Variants in MLLT6 observed in about 807,000 individuals in gnomAD.
MLLT6 encodes the protein protein AF-17.
Under a neutral mutation model 103.0 loss-of-function variants are expected in MLLT6, and 22 were observed. That is an observed-to-expected ratio of 0.21 (90% CI 0.15 to 0.31). MLLT6 has a LOEUF of 0.31. Among genes scored for constraint, MLLT6 ranks in the 10% least tolerant of loss-of-function variants. The pLI is 1.00. For missense variants in MLLT6, 1,199 were observed against 1,441.7 expected (o/e 0.83, Z 2.73); for synonymous variants, 606 against 623.5 (o/e 0.97, Z 0.42).
At chr17:38,706,786 C>T (rs529461349) in intron 1 of MLLT6, 164 bp from the exon 2 acceptor site, 3 of 495,010 alleles carry the variant, frequency 6.1e-6, no homozygotes, top group East Asian at 3.3e-5. Flanking sequence ...TGGTGTTGGG[C>T]GGTTGGGCAG....
chr17:38,720,963 C>T lies in MLLT6; in HGVS notation c.2442+216C>T, dbSNP rs553161864. ...ATCAGTGAGCAAAACCGGCACAGCGCTGCTTCTTAAGATAGGCTACCCCAA... is the reference window on the plus strand; with the variant it reads ...ATCAGTGAGCAAAACCGGCACAGCGTTGCTTCTTAAGATAGGCTACCCCAA... On this transcript the variant is annotated intron_variant, in intron 16 of 19. Transcript: ENST00000621332. 8.4e-6 allele frequency: 5 copies of T among 596,368 alleles called. No individual in the cohort carries two copies. The East Asian group carries it at 1.4e-4, about 17-fold the overall frequency. 36.9% of individuals were successfully genotyped at this position (596,368 alleles called of 1,614,324 possible). A position where few individuals can be genotyped will look rare whatever the true frequency, so the allele number is the denominator to read the frequency against.
chr17:38,705,506 G>C lies in MLLT6; in HGVS notation c.-127G>C. ...GAAGGAGGAGGCAAAGAAAAGAAGC[G>C]GCGGCGGCGGAGGGAGAGGAGGAGG... On this transcript the variant is annotated 5_prime_UTR_variant, in exon 1 of 20. Transcript: ENST00000621332. 8.5e-6 allele frequency: 4 copies of C among 469,508 alleles called. No individual in the cohort carries two copies. The allele number at this position is 469,508 out of a possible 1,614,324, so 29.1% of individuals were successfully genotyped here.
At chr17:38,708,950 C>T (rs953110989) in intron 4 of MLLT6, 13 of 525,012 alleles carry the variant, frequency 2.5e-5, no homozygotes, top group Non-Finnish European at 3.7e-5. Flanking sequence ...AATCTAGTTC[C>T]TCAGTCACGC....
At chr17:38,719,971 C>T (rs1233506188) in intron 14 of MLLT6, 76 bp downstream of exon 14, 2 of 1,477,758 alleles carry the variant, frequency 1.4e-6, no homozygotes, top group Non-Finnish European at 1.8e-6. Context: ...GGTCCCCAAG[C>T]TTCTTTAAGG....
chr17:38,724,615 T>G lies in MLLT6; in HGVS notation c.2884-5T>G. 1.3e-6 allele frequency: 2 copies of G among 1,577,106 alleles called. No homozygotes were observed. The highest frequency in any genetic ancestry group is 8.6e-7 in the Non-Finnish European group (1 of 1,157,634). Reference sequence around the variant, plus strand: ...TGGCCAACAAGCGGTCTGGCCCCCTTGCAGGAACACCAGACTGTTGTCTAC... The same window carrying G: ...TGGCCAACAAGCGGTCTGGCCCCCTGGCAGGAACACCAGACTGTTGTCTAC... On this transcript the variant is annotated splice_polypyrimidine_tract_variant and splice_region_variant and intron_variant, in intron 18 of 19. Transcript: ENST00000621332. The surrounding 1 kb of genome is among the most constrained non-coding windows in gnomAD (Gnocchi z 5.4).
In MLLT6 at chr17:38,709,551, C is replaced by T; in HGVS notation, c.528C>T (p.Tyr176=). 1 of 1,614,012 alleles carries T rather than the reference C, an allele frequency of 6.2e-7. No homozygotes were observed. The highest frequency in any genetic ancestry group is 8.5e-7 in the Non-Finnish European group (1 of 1,179,852). ...LEVDNVKYCG[Y]CKYHFSKMKT... ...TGGACAACGTCAAGTACTGCGGCTA[C>T]TGCAAATACCACTTCAGCAAGATGG... Residue 176 remains tyrosine, a synonymous_variant, in exon 6 of 20, where the codon TAC becomes TAT. Coordinates refer to ENST00000621332, the MANE Select transcript of MLLT6 (RefSeq NM_005937.4). The surrounding 1 kb of genome is among the most constrained non-coding windows in gnomAD (Gnocchi z 4.3).
rs1356332177 is a variant in MLLT6, at chr17:38,716,340, C to T, written c.1037-27C>T. The T allele has an allele frequency of 6.3e-7, 1 of 1,594,338 alleles. No individual in the cohort carries two copies. The highest frequency in any genetic ancestry group is 8.5e-7 in the Non-Finnish European group (1 of 1,173,886). On this transcript the variant is annotated intron_variant, in intron 9 of 19. Coordinates refer to ENST00000621332, the MANE Select transcript of MLLT6 (RefSeq NM_005937.4). This position sits in a 1 kb window ranked among gnomAD's most constrained non-coding sequence, Gnocchi z 5.6. Reference sequence around the variant, plus strand: ...GGGAGTGCGGGGATCTGGGGTCCAGCTGTAACTGTTTCCCCTCTGTGCACA... The same window carrying T: ...GGGAGTGCGGGGATCTGGGGTCCAGTTGTAACTGTTTCCCCTCTGTGCACA...
At position 38,729,754 on chromosome 17, in the gene MLLT6, T is replaced by G. The variant is rs1185289685; in HGVS notation, c.*4156T>G. On this transcript the variant is annotated 3_prime_UTR_variant, in exon 20 of 20. Transcript: ENST00000621332. ...AAGGGCAGTTCGTAAACAGCACTTG[T>G]TCTTTTAATAAAAGAATGTTTTGCA... The G allele has an allele frequency of 9.8e-6, 2 of 203,354 alleles. No homozygotes were observed. Among genetic ancestry groups the G allele is most frequent in the Non-Finnish European group, 2.0e-5 (2 of 100,024 alleles). 12.6% of individuals were successfully genotyped at this position (203,354 alleles called of 1,614,324 possible).
Position 38,722,014 on chromosome 17 carries a change from C to T in MLLT6, c.2579C>T (p.Pro860Leu). The change falls in exon 17 of 20, where the codon CCC becomes CTC. Residue 860 changes from proline to leucine, a missense_variant. Pro to Leu is a moderately conservative substitution (Grantham distance 98). Transcript: ENST00000621332. ...ALPGAPAPLP[P>L]QPQNGLGRAP... ...CCTGGGGCCCCTGCCCCACTCCCGCCCCAGCCGCAGAACGGGTTGGGCCGG... is the reference window on the plus strand; with the variant it reads ...CCTGGGGCCCCTGCCCCACTCCCGCTCCAGCCGCAGAACGGGTTGGGCCGG... The T allele has an allele frequency of 1.4e-6, 2 of 1,480,242 alleles. No individual in the cohort carries two copies. Among genetic ancestry groups the T allele is most frequent in the South Asian group, 2.5e-5 (2 of 79,012 alleles). 91.7% of individuals were successfully genotyped at this position (1,480,242 alleles called of 1,614,324 possible). A position where few individuals can be genotyped will look rare whatever the true frequency, so the allele number is the denominator to read the frequency against.
chr17:38,715,574 G>A (rs756455474), intron 8 of MLLT6, 38 bp from the exon 9 acceptor site: 13 of 1,576,864 alleles, frequency 8.2e-6, no homozygotes, highest in Non-Finnish European at 1.1e-5. Flanking sequence ...ACAGGCCCAG[G>A]CACCTGGTGT....
intron 14 of MLLT6, 43 bp from the exon 15 acceptor site, chr17:38,720,329 C>G: frequency 8.1e-7 from 1 of 1,234,980 alleles, no homozygotes; most frequent in South Asian, 1.3e-5. Flanking sequence ...GGCCCCGCCT[C>G]CGCCCCCTCG....
chr17:38,721,801 A>G (rs1045312301), intron 16 of MLLT6, 77 bp from the exon 17 acceptor site: 24 of 1,006,866 alleles, frequency 2.4e-5, no homozygotes, highest in Non-Finnish European at 3.4e-5. Flanking sequence ...CTCTGTGAGA[A>G]TGCTGGTGGG....
chr17:38,720,315 CCCTGGCCCCGCCTCCG>C, intron 14 of MLLT6, 41 bp from the exon 15 acceptor site: 1 of 660,208 alleles, frequency 1.5e-6, no homozygotes, highest in Non-Finnish European at 2.6e-6. Context: ...GCCCCCGGTC[CCCTGGCCCCGCCTCCG>C]CCCCCTCGCC....
At position 38,724,476 on chromosome 17, in the gene MLLT6, C is replaced by G. The variant is rs958121516; in HGVS notation, c.2884-144C>G. On this transcript the variant is annotated intron_variant, in intron 18 of 19. Transcript: ENST00000621332. The surrounding 1 kb of genome is among the most constrained non-coding windows in gnomAD (Gnocchi z 5.4). ...GGAGACCCAGGCTAAGTGGGAAATG[C>G]GAGACAGTACCTTGACTGTCTCACA... 4 of 606,346 alleles carry G rather than the reference C, an allele frequency of 6.6e-6. No individual in the cohort carries two copies. In the Admixed American group the frequency reaches 1.0e-4, roughly 15 times the overall value. The allele number at this position is 606,346 out of a possible 1,614,324, so 37.6% of individuals were successfully genotyped here. A position where few individuals can be genotyped will look rare whatever the true frequency, so the allele number is the denominator to read the frequency against.
chr17:38,705,504 G>A lies in MLLT6; in HGVS notation c.-129G>A, dbSNP rs1278481878. 4.3e-6 allele frequency: 2 copies of A among 470,226 alleles called. No individual in the cohort carries two copies. Among genetic ancestry groups the A allele is most frequent in the East Asian group, 3.7e-5 (1 of 27,238 alleles). 29.1% of individuals were successfully genotyped at this position (470,226 alleles called of 1,614,324 possible). On this transcript the variant is annotated 5_prime_UTR_variant, in exon 1 of 20. Coordinates refer to ENST00000621332, the MANE Select transcript of MLLT6 (RefSeq NM_005937.4). ...AGGAAGGAGGAGGCAAAGAAAAGAA[G>A]CGGCGGCGGCGGAGGGAGAGGAGGA...
intron 14 of MLLT6, 35 bp downstream of exon 14, chr17:38,719,930 C>T (rs1473748404): frequency 5.2e-6 from 8 of 1,537,170 alleles, no homozygotes; most frequent in Non-Finnish European, 7.0e-6. Flanking sequence ...GACGCCTGCC[C>T]TAGGGCCCTA....
Position 38,707,513 on chromosome 17 carries a change from G to C in MLLT6, c.217G>C (p.Gly73Arg). ...VRCELCPHKD[G>R]ALKRTDNGGW... The stretch of plus-strand genomic sequence containing the variant: ...GTGTGAGCTGTGCCCACACAAAGAC[G>C]GGGCATTGAAGAGGACTGATAATGG... Residue 73 changes from glycine to arginine, a missense_variant, in exon 3 of 20, where the codon GGG (glycine) becomes CGG (arginine). Coordinates refer to ENST00000621332, the MANE Select transcript of MLLT6 (RefSeq NM_005937.4). 6.2e-7 allele frequency: 1 copy of C among 1,614,154 alleles called. No homozygotes were observed. Among genetic ancestry groups the C allele is most frequent in the Non-Finnish European group, 8.5e-7 (1 of 1,180,036 alleles).
chr17:38,724,786 C>G lies in MLLT6; in HGVS notation c.3050C>G (p.Ser1017Cys), dbSNP rs1905933241. The change falls in exon 19 of 20, where the codon TCT becomes TGT. Residue 1017 changes from serine (S) to cysteine (C), a missense_variant. Physicochemically the swap from Ser to Cys is moderately radical, Grantham distance 112 (BLOSUM62 -1). This residue lies in a region of MLLT6 where 1,034 missense variants were observed against 1,091.5 expected (regional missense o/e 0.95). Coordinates refer to ENST00000621332, the MANE Select transcript of MLLT6 (RefSeq NM_005937.4). The surrounding 1 kb of genome is among the most constrained non-coding windows in gnomAD (Gnocchi z 5.4). ...AGTPGLLPTA[S>C]APPLLPAGAL... is the part of the protein sequence containing the mutation. Reference sequence around the variant, plus strand: ...ACCCCTGGCCTGCTGCCCACAGCGTCTGCTCCACCCCTGCTGCCCGCTGGA... The same window carrying G: ...ACCCCTGGCCTGCTGCCCACAGCGTGTGCTCCACCCCTGCTGCCCGCTGGA... The G allele has an allele frequency of 1.2e-6, 2 of 1,607,120 alleles. No individual in the cohort carries two copies. The highest frequency in any genetic ancestry group is 3.4e-5 in the Admixed American group (2 of 59,134).
In MLLT6 at chr17:38,722,174, C is replaced by A. The variant is rs945451976; in HGVS notation, c.2739C>A (p.Ser913Arg). The change falls in exon 17 of 20, where the codon AGC becomes AGA. Residue 913 changes from serine (S) to arginine (R), a missense_variant. Ser to Arg is a moderately radical substitution (Grantham distance 110). Around this residue, in one of 7 missense-constraint regions of MLLT6, gnomAD observed 1,034 missense variants for 1,091.5 expected, o/e 0.95. Coordinates refer to ENST00000621332, the MANE Select transcript of MLLT6 (RefSeq NM_005937.4). ...LNGAAAPNPA[S>R]LSQAGGAPTL... is the part of the protein sequence containing the mutation. Reference sequence around the variant, plus strand: ...GGGCCGCTGCCCCCAACCCCGCAAGCTTGAGCCAGGCTGGCGGGGCCCCCA... The same window carrying A: ...GGGCCGCTGCCCCCAACCCCGCAAGATTGAGCCAGGCTGGCGGGGCCCCCA... 3.7e-6 allele frequency: 5 copies of A among 1,369,278 alleles called. No individual in the cohort carries two copies. Among genetic ancestry groups the A allele is most frequent in the Non-Finnish European group, 4.7e-6 (5 of 1,066,642 alleles). The allele number at this position is 1,369,278 out of a possible 1,614,324, so 84.8% of individuals were successfully genotyped here. A position where few individuals can be genotyped will look rare whatever the true frequency, so the allele number is the denominator to read the frequency against.
Sources: allele counts gnomAD v4.1 joint callset, GRCh38; gene constraint gnomAD v4.1.1; regional missense constraint gnomAD v4.1.1; non-coding constraint Gnocchi (gnomAD v3.1); transcripts MANE v1.5; gene names NCBI Gene and HGNC (gene_info 2026-07-23, HGNC 2026-07-21).